The following CPED1 variants were observed in gnomAD, a reference collection of about 807,000 sequenced individuals.
CPED1 encodes the protein cadherin-like and PC-esterase domain-containing protein 1.
In CPED1, 114 loss-of-function variants were observed where a neutral mutation model predicts 128.2. The ratio of observed to expected loss-of-function variants is 0.89; its 90% CI spans 0.76 to 1.04. CPED1 has a LOEUF of 1.04. Among genes scored for constraint, CPED1 ranks in the 50% least tolerant of loss-of-function variants. The pLI is 0.00. For missense variants in CPED1, 1,211 were observed against 1,207.1 expected, an observed-to-expected ratio of 1.00 and a Z score of -0.05; for synonymous variants, 462 against 426.7, an observed-to-expected ratio of 1.08 and a Z score of -1.02.
chr7:121,153,007 A>G (rs1211864025), intron 16 of CPED1, among the ~76,000 whole-genome samples: 1 of 152,190 alleles, frequency 6.6e-6, no homozygotes, highest in East Asian at 1.9e-4. Flanking sequence ...TGGGAATTTA[A>G]GAATTATTTA....
chr7:121,025,567 G>A (rs1343347194), intron 3 of CPED1, among the ~76,000 whole-genome samples: 1 of 152,002 alleles, frequency 6.6e-6, no homozygotes, highest in Non-Finnish European at 1.5e-5. Context: ...AGCCGTAGTG[G>A]AATAAACACC....
At chr7:121,109,544 C>G (rs1387561757) in intron 7 of CPED1, among the ~76,000 whole-genome samples, 5 of 152,156 alleles carry the variant, frequency 3.3e-5, no homozygotes, top group Non-Finnish European at 7.4e-5. Flanking sequence ...CCCTCTACAT[C>G]AGCTTCTTCT....
At chr7:121,027,186 A>G (rs888726411) in intron 3 of CPED1, among the ~76,000 whole-genome samples, 1 of 151,852 alleles carries the variant, frequency 6.6e-6, no homozygotes, top group Non-Finnish European at 1.5e-5. Flanking sequence ...TCCCCCCTCA[A>G]TTCTTCTCAA....
At chr7:121,189,405 T>C (rs1797076414) in intron 16 of CPED1, among the ~76,000 whole-genome samples, 1 of 152,012 alleles carries the variant, frequency 6.6e-6, no homozygotes, top group Admixed American at 6.6e-5. Context: ...CATCTTCACA[T>C]GGCAACAGGA....
At chr7:120,994,542 T>C (rs2116735216) in intron 2 of CPED1, among the ~76,000 whole-genome samples, 1 of 152,240 alleles carries the variant, frequency 6.6e-6, no homozygotes, top group Middle Eastern at 3.4e-3. Flanking sequence ...AAGTATTACA[T>C]GCAGATTAGC....
intron 2 of CPED1, among the ~76,000 whole-genome samples, chr7:121,006,679 C>T (rs926179695): frequency 7.9e-5 from 12 of 152,016 alleles, no homozygotes. Context: ...TTTTCAAGTT[C>T]TGTCTTATTC....
At chr7:121,038,144 G>A (rs1792951045) in intron 3 of CPED1, among the ~76,000 whole-genome samples, 1 of 151,772 alleles carries the variant, frequency 6.6e-6, no homozygotes, top group African/African-American at 2.4e-5. Context: ...TCTTTTGTCT[G>A]TTGCACTGGC....
chr7:121,057,710 C>T (rs1793537727), intron 4 of CPED1, among the ~76,000 whole-genome samples: 1 of 152,042 alleles, frequency 6.6e-6, no homozygotes, highest in African/African-American at 2.4e-5. Flanking sequence ...TTCATCTATC[C>T]CTTCACTGTT....
chr7:121,155,629 A>T (rs1250471685), intron 16 of CPED1, among the ~76,000 whole-genome samples: 1 of 152,342 alleles, frequency 6.6e-6, no homozygotes, highest in Non-Finnish European at 1.5e-5. Flanking sequence ...TTTTCAATAA[A>T]TGGTGCTGGG....
intron 7 of CPED1, among the ~76,000 whole-genome samples, chr7:121,110,151 C>A (rs1380911577): frequency 6.6e-6 from 1 of 152,118 alleles, no homozygotes; most frequent in Non-Finnish European, 1.5e-5. Flanking sequence ...CTTTCCATGT[C>A]TATAAAATAG....
At chr7:121,068,319 A>G (rs979624051) in intron 5 of CPED1, among the ~76,000 whole-genome samples, 3 of 152,180 alleles carry the variant, frequency 2.0e-5, no homozygotes, top group Admixed American at 1.3e-4. Flanking sequence ...ATCCAGTTTC[A>G]GCTTTCTACA....
intron 16 of CPED1, among the ~76,000 whole-genome samples, chr7:121,166,666 A>G (rs1461908660): frequency 6.6e-6 from 1 of 152,130 alleles, no homozygotes; most frequent in Non-Finnish European, 1.5e-5. Context: ...TTAAGAGGTA[A>G]AATTATTTTG....
At chr7:121,225,667 T>G (rs181433832) in intron 16 of CPED1, among the ~76,000 whole-genome samples, 16 of 152,254 alleles carry the variant, frequency 1.1e-4, no homozygotes, top group African/African-American at 3.8e-4. Flanking sequence ...CTTGGAGGCT[T>G]TGTTCATTTC....
chr7:121,126,962 C>A, intron 9 of CPED1, 128 bp from the exon 10 acceptor site: 2 of 597,598 alleles, frequency 3.3e-6, no homozygotes, highest in Non-Finnish European at 5.3e-6. Flanking sequence ...TGTTGACTTC[C>A]AAAAAGACCA....
intron 22 of CPED1, among the ~76,000 whole-genome samples, chr7:121,291,777 T>C (rs1056171066): frequency 3.3e-5 from 5 of 152,194 alleles, no homozygotes; most frequent in African/African-American, 1.2e-4. Context: ...CTCTTCCTAT[T>C]TGAATACGCT....
At chr7:121,015,510 C>A (rs569273559) in intron 2 of CPED1, among the ~76,000 whole-genome samples, 155 bp from the exon 3 acceptor site, 1 of 152,350 alleles carries the variant, frequency 6.6e-6, no homozygotes, top group South Asian at 2.1e-4. Flanking sequence ...ATGAGGTCAT[C>A]TTTGTCCTTG....
At chr7:121,283,569 A>G (rs1792503445) in intron 22 of CPED1, among the ~76,000 whole-genome samples, 1 of 152,194 alleles carries the variant, frequency 6.6e-6, no homozygotes, top group Non-Finnish European at 1.5e-5. Context: ...AATACAATAT[A>G]TGTGACCCTC....
In CPED1 at chr7:121,125,885, T is replaced by C; in HGVS notation, c.1127T>C (p.Val376Ala). The C allele has an allele frequency of 6.2e-7, 1 of 1,611,010 alleles. No individual in the cohort carries two copies. The highest frequency in any genetic ancestry group is 8.5e-7 in the Non-Finnish European group (1 of 1,177,268). The change falls in exon 9 of 23, where the codon GTG becomes GCG. Residue 376 changes from valine (V) to alanine (A), a missense_variant. Transcript: ENST00000310396. ...IGYGSFMYPV[V>A]LQVHEHLNFQ... ...TATGGCAGTTTCATGTACCCTGTAGTGCTCCAGGTCAGTATGCCAAAGGCC... is the reference window on the plus strand; with the variant it reads ...TATGGCAGTTTCATGTACCCTGTAGCGCTCCAGGTCAGTATGCCAAAGGCC...
At chr7:121,188,996 T>C (rs1217507347) in intron 16 of CPED1, among the ~76,000 whole-genome samples, 1 of 152,130 alleles carries the variant, frequency 6.6e-6, no homozygotes, top group East Asian at 1.9e-4. Context: ...TTGCTTCCCA[T>C]TTGTCGTCAT....
Sources: allele counts gnomAD v4.1 joint callset (sites outside exome capture counted in the v4.1 genomes callset), GRCh38; gene constraint gnomAD v4.1.1; transcripts MANE v1.5; gene names NCBI Gene and HGNC (gene_info 2026-07-23, HGNC 2026-07-21).